Variants in CRYZL1 observed in about 807,000 individuals in gnomAD.
CRYZL1 encodes crystallin zeta like 1.
In CRYZL1, 34 loss-of-function variants were observed where a neutral mutation model predicts 50.6. That is an observed-to-expected ratio of 0.67 (90% CI 0.51 to 0.89). The LOEUF (loss-of-function observed/expected upper bound fraction) is 0.89. Ranked by LOEUF, CRYZL1 falls within the 40% of genes least tolerant of loss-of-function variation. The probability of loss-of-function intolerance (pLI) is 0.00; values close to 1 mark genes in which losing one functional copy is unlikely to be tolerated. For synonymous variants in CRYZL1, 125 were observed against 134.3 expected, an observed-to-expected ratio of 0.93 and a Z score of 0.48; for missense variants, 354 against 402.3, an observed-to-expected ratio of 0.88 and a Z score of 1.03.
intron 1 of CRYZL1, among the ~76,000 whole-genome samples, chr21:33,633,966 A>C (rs894082374): frequency 6.6e-6 from 1 of 152,196 alleles, no homozygotes; most frequent in Non-Finnish European, 1.5e-5. Flanking sequence ...CAAATACGTA[A>C]AGAGTTTTTA....
intron 6 of CRYZL1, among the ~76,000 whole-genome samples, chr21:33,604,067 A>G (rs547762466): frequency 1.5e-4 from 22 of 151,356 alleles, no homozygotes; most frequent in Non-Finnish European, 3.2e-4. Context: ...CCTGACTGAC[A>G]CGGTGAAACC....
chr21:33,636,479 T>C (rs1206841524), intron 1 of CRYZL1, among the ~76,000 whole-genome samples: 2 of 152,206 alleles, frequency 1.3e-5, no homozygotes, highest in African/African-American at 4.8e-5. Flanking sequence ...TTCAAAATGT[T>C]TGAATTAATC....
chr21:33,640,352 TTATACACTGCAA>T (rs2087265716), intron 1 of CRYZL1, among the ~76,000 whole-genome samples: 1 of 151,680 alleles, frequency 6.6e-6, no homozygotes. Flanking sequence ...AAGGTAGTAA[TTATACACTGCAA>T]TGGCTGCGGG....
intron 10 of CRYZL1, 60 bp from the exon 11 acceptor site, chr21:33,595,896 G>A (rs371929136): frequency 1.4e-5 from 16 of 1,118,350 alleles, no homozygotes; most frequent in African/African-American, 1.2e-4. Flanking sequence ...AGGATGACTG[G>A]TATCTCGAGT....
intron 5 of CRYZL1, among the ~76,000 whole-genome samples, chr21:33,614,356 G>A (rs1353332818): frequency 6.6e-6 from 1 of 151,912 alleles, no homozygotes; most frequent in African/African-American, 2.4e-5. Context: ...GGATATCATG[G>A]TATGCACCTG....
chr21:33,626,511 A>G (rs1291601964), intron 2 of CRYZL1, among the ~76,000 whole-genome samples: 1 of 151,796 alleles, frequency 6.6e-6, no homozygotes, highest in East Asian at 2.0e-4. Context: ...AGCCTGGCCA[A>G]CATGGTGAAA....
intron 1 of CRYZL1, among the ~76,000 whole-genome samples, chr21:33,634,683 C>G (rs969300324): frequency 6.6e-6 from 1 of 151,588 alleles, no homozygotes; most frequent in Admixed American, 6.6e-5. Context: ...AATTACGTAT[C>G]AATGCCTTGA....
chr21:33,613,481 C>A, intron 6 of CRYZL1, 57 bp downstream of exon 6: 1 of 1,121,108 alleles, frequency 8.9e-7, no homozygotes, highest in Non-Finnish European at 1.3e-6. Flanking sequence ...TGTTATTAAA[C>A]CATATGTCAG....
At chr21:33,614,487 C>A (rs2086906197) in intron 5 of CRYZL1, among the ~76,000 whole-genome samples, 1 of 152,160 alleles carries the variant, frequency 6.6e-6, no homozygotes, top group Non-Finnish European at 1.5e-5. Flanking sequence ...AAGATTCTGT[C>A]TCAAACTAAG....
intron 1 of CRYZL1, among the ~76,000 whole-genome samples, chr21:33,639,559 A>G (rs79355752): frequency 0.015 from 2,295 of 152,270 alleles, 58 homozygotes; most frequent in African/African-American, 0.053. Context: ...ACCACACAAC[A>G]GTTACTCGCT....
intron 1 of CRYZL1, among the ~76,000 whole-genome samples, chr21:33,638,358 G>A (rs1279543076): frequency 1.3e-5 from 2 of 151,946 alleles, no homozygotes; most frequent in Non-Finnish European, 2.9e-5. Context: ...GATTACAGGC[G>A]CACGCTACCA....
In CRYZL1 at chr21:33,595,355, C is replaced by T. The variant is rs185331086; in HGVS notation, c.904+376G>A. 36 of 1,291,172 alleles carry T rather than the reference C, an allele frequency of 2.8e-5. No individual in the cohort carries two copies. In the East Asian group the frequency reaches 5.5e-4, roughly 20 times the overall value. 80.0% of individuals were successfully genotyped at this position (1,291,172 alleles called of 1,614,324 possible). On this transcript the variant is annotated intron_variant, in intron 11 of 12. Coordinates refer to ENST00000381554, the MANE Select transcript of CRYZL1 (RefSeq NM_145858.3). ...CACCATCATAGGAGTAAGTGTGCAA[C>T]CTTTCAAGGTGATGTGTGCTTTCCT...
intron 9 of CRYZL1, among the ~76,000 whole-genome samples, chr21:33,598,928 C>T (rs994454286): frequency 2.0e-5 from 3 of 151,670 alleles, no homozygotes; most frequent in East Asian, 3.9e-4. Context: ...CCCTAGTCTA[C>T]GCTGTAAAAG....
Position 33,591,164 on chromosome 21 carries a change from GA to G in CRYZL1, c.947del (p.Phe316SerfsTer45). On this transcript the variant is annotated frameshift_variant, in exon 12 of 13. Transcript: ENST00000381554. LOFTEE classifies it high-confidence loss of function. ...DVMEKLSTGV[F>X]RPQLDEPIPL... ...ATGATTTGGTTACTTTAGCGTACCT[GA>G]AAACACCAGTTGATAACTTCTCCAT... 6.2e-7 allele frequency: 1 copy of G among 1,606,516 alleles called. No homozygotes were observed. Among genetic ancestry groups the G allele is most frequent in the East Asian group, 2.2e-5 (1 of 44,832 alleles).
chr21:33,638,347 G>C (rs1188071899), intron 1 of CRYZL1, among the ~76,000 whole-genome samples: 1 of 151,916 alleles, frequency 6.6e-6, no homozygotes, highest in Non-Finnish European at 1.5e-5. Flanking sequence ...CGAGTAGCTG[G>C]GATTACAGGC....
intron 6 of CRYZL1, among the ~76,000 whole-genome samples, chr21:33,608,936 C>A (rs2086841596): frequency 6.6e-6 from 1 of 152,176 alleles, no homozygotes; most frequent in Non-Finnish European, 1.5e-5. Flanking sequence ...CATACACTTT[C>A]CATAATGACT....
chr21:33,627,949 G>C (rs2087088275), intron 2 of CRYZL1, among the ~76,000 whole-genome samples: 1 of 151,966 alleles, frequency 6.6e-6, no homozygotes, highest in African/African-American at 2.4e-5. Context: ...GTTTCACCGT[G>C]TTAGCCAGGA....
intron 6 of CRYZL1, among the ~76,000 whole-genome samples, chr21:33,610,228 C>T (rs1023875915): frequency 1.3e-5 from 2 of 151,934 alleles, no homozygotes; most frequent in Non-Finnish European, 2.9e-5. Flanking sequence ...TACAGTGGCA[C>T]AATTTTGGCT....
At chr21:33,641,224 G>C (rs2087317298) in intron 1 of CRYZL1, 1 of 1,550,484 alleles carries the variant, frequency 6.4e-7, no homozygotes, top group African/African-American at 1.4e-5. Context: ...GAAGAGGGCC[G>C]ATCTGGCTCA....
Sources: allele counts gnomAD v4.1 joint callset (sites outside exome capture counted in the v4.1 genomes callset), GRCh38; gene constraint gnomAD v4.1.1; transcripts MANE v1.5; gene names NCBI Gene and HGNC (gene_info 2026-07-23, HGNC 2026-07-21).